TASP1: variants seen among roughly 807,000 people sequenced by gnomAD.
The protein encoded by TASP1 is taspase 1.
TASP1 carries 16 observed loss-of-function variants against 56.6 expected under a neutral mutation model. The observed-to-expected ratio is 0.28, with a 90% confidence interval of 0.19 to 0.43. TASP1 has a LOEUF of 0.43. Among genes scored for constraint, TASP1 ranks in the 20% least tolerant of loss-of-function variants. The pLI is 1.00. For missense variants in TASP1, 393 were observed against 511.6 expected, an observed-to-expected ratio of 0.77 and a Z score of 2.24; for synonymous variants, 179 against 184.2, an observed-to-expected ratio of 0.97 and a Z score of 0.23.
intron 11 of TASP1, among the ~76,000 whole-genome samples, chr20:13,472,706 T>C (rs1431425740): frequency 1.3e-5 from 2 of 150,956 alleles, no homozygotes; most frequent in African/African-American, 4.9e-5. Context: ...AAAGAAGACG[T>C]TTATGCAGCC....
At chr20:13,114,812 C>T in the TASP1 span, among the ~76,000 whole-genome samples, 10 of 152,220 alleles carry the variant, frequency 6.6e-5, no homozygotes, top group East Asian at 3.9e-4. Flanking sequence ...GTTAGCTAGC[C>T]GGTGGTTTAA....
the TASP1 span, chr20:13,165,316 A>G: frequency 6.3e-6 from 1 of 157,536 alleles, no homozygotes; most frequent in Non-Finnish European, 1.4e-5. Context: ...TCCACTCATA[A>G]AAGCATCAGC....
chr20:13,159,889 A>C, the TASP1 span: 1 of 1,344,036 alleles, frequency 7.4e-7, no homozygotes, highest in African/African-American at 1.5e-5. Flanking sequence ...ATTATCATAA[A>C]AAAGAAAAAA....
chr20:13,428,935 T>C (rs901528173), intron 12 of TASP1, among the ~76,000 whole-genome samples: 1 of 152,204 alleles, frequency 6.6e-6, no homozygotes, highest in African/African-American at 2.4e-5. Context: ...CCAATAATTA[T>C]TGGGAACCTA....
At chr20:13,488,886 TTAAC>T (rs985339932) in intron 10 of TASP1, among the ~76,000 whole-genome samples, 12 of 152,092 alleles carry the variant, frequency 7.9e-5, no homozygotes, top group African/African-American at 2.7e-4. Context: ...ACCTCTATTC[TTAAC>T]TAACTAAAAT....
At chr20:13,155,627 C>T in the TASP1 span, among the ~76,000 whole-genome samples, 1 of 152,096 alleles carries the variant, frequency 6.6e-6, no homozygotes, top group Non-Finnish European at 1.5e-5. Context: ...GAGATCGAAA[C>T]CATCCTGGCC....
chr20:13,337,024 A>G, the TASP1 span, among the ~76,000 whole-genome samples: 1 of 152,224 alleles, frequency 6.6e-6, no homozygotes, highest in Non-Finnish European at 1.5e-5. Context: ...GGAATCCATG[A>G]GAAGATTTCC....
chr20:13,513,320 C>G (rs1474410342), intron 10 of TASP1, among the ~76,000 whole-genome samples: 1 of 151,616 alleles, frequency 6.6e-6, no homozygotes, highest in Admixed American at 6.6e-5. Flanking sequence ...AACAACCATA[C>G]GAGTAGTATA....
At chr20:13,417,208 G>C (rs897954374) in intron 13 of TASP1, among the ~76,000 whole-genome samples, 9 of 152,168 alleles carry the variant, frequency 5.9e-5, no homozygotes, top group African/African-American at 1.2e-4. Context: ...TGGGGGCTGT[G>C]GGGGAAAGTG....
chr20:13,313,477 C>T, the TASP1 span, among the ~76,000 whole-genome samples: 9 of 152,212 alleles, frequency 5.9e-5, no homozygotes, highest in African/African-American at 2.2e-4. Flanking sequence ...TGTTTCTGCA[C>T]CTCACTTCCA....
chr20:13,415,407 C>T (rs560904432), intron 13 of TASP1, among the ~76,000 whole-genome samples: 13 of 150,602 alleles, frequency 8.6e-5, no homozygotes, highest in African/African-American at 1.2e-4. Context: ...AATAAAATTC[C>T]GCAGCCAAAT....
At chr20:13,365,339 G>C in the TASP1 span, among the ~76,000 whole-genome samples, 1 of 152,136 alleles carries the variant, frequency 6.6e-6, no homozygotes, top group Non-Finnish European at 1.5e-5. Context: ...TAGATTCACG[G>C]AGCATATACT....
At chr20:13,169,628 G>C in the TASP1 span, among the ~76,000 whole-genome samples, 57 of 152,252 alleles carry the variant, frequency 3.7e-4, no homozygotes, top group Non-Finnish European at 2.9e-4. Flanking sequence ...ACAATGCCTG[G>C]GAAGGGACTC....
At chr20:13,386,638 G>A (rs2041164781), downstream of TASP1, among the ~76,000 whole-genome samples, 1 of 151,804 alleles carries the variant, frequency 6.6e-6, no homozygotes. Flanking sequence ...TTGTCTGCAG[G>A]TCACTGGTAT....
At chr20:13,330,446 CT>C in the TASP1 span, among the ~76,000 whole-genome samples, 2 of 149,108 alleles carry the variant, frequency 1.3e-5, no homozygotes, top group Admixed American at 6.6e-5. Flanking sequence ...ACTTTTGCAT[CT>C]ATATTTATGA....
intron 10 of TASP1, among the ~76,000 whole-genome samples, chr20:13,520,039 A>G (rs1355760448): frequency 6.6e-6 from 1 of 152,218 alleles, no homozygotes; most frequent in Non-Finnish European, 1.5e-5. Flanking sequence ...CAAAGAGAAT[A>G]AAATAGCTAG....
the TASP1 span, among the ~76,000 whole-genome samples, chr20:13,360,913 A>T: frequency 3.0e-3 from 449 of 151,770 alleles, 2 homozygotes; most frequent in African/African-American, 0.01. Flanking sequence ...TTCCTCACCC[A>T]GATCACGCTT....
chr20:13,633,244 T>C (rs1289010305), intron 1 of TASP1, among the ~76,000 whole-genome samples: 1 of 152,288 alleles, frequency 6.6e-6, no homozygotes, highest in South Asian at 2.1e-4. Context: ...TTTTAAGGTA[T>C]GGTACAGAAG....
At chr20:13,112,436 C>T in the TASP1 span, among the ~76,000 whole-genome samples, 1 of 152,232 alleles carries the variant, frequency 6.6e-6, no homozygotes, top group Non-Finnish European at 1.5e-5. Context: ...GACATTATCA[C>T]TTCTGCCCTG....
Sources: allele counts gnomAD v4.1 joint callset (sites outside exome capture counted in the v4.1 genomes callset), GRCh38; gene constraint gnomAD v4.1.1; transcripts MANE v1.5; gene names NCBI Gene and HGNC (gene_info 2026-07-23, HGNC 2026-07-21).